The following RAPGEF5 variants were observed in gnomAD, a reference collection of about 807,000 sequenced individuals.
RAPGEF5 encodes the protein Rap guanine nucleotide exchange factor 5.
A neutral mutation model predicts 125.2 loss-of-function variants in RAPGEF5; 65 were observed. The ratio of observed to expected loss-of-function variants is 0.52; its 90% CI spans 0.43 to 0.64. The LOEUF (loss-of-function observed/expected upper bound fraction) is 0.64. RAPGEF5 is among the 30% of genes least tolerant of loss of function. The pLI is 0.00. For synonymous variants in RAPGEF5, 391 were observed against 385.9 expected (o/e 1.01, Z -0.16); for missense variants, 958 against 1,048.1 (o/e 0.91, Z 1.19).
At chr7:22,298,916 T>C (rs562588117) in intron 5 of RAPGEF5, among the ~76,000 whole-genome samples, 2 of 152,318 alleles carry the variant, frequency 1.3e-5, no homozygotes, top group Non-Finnish European at 2.9e-5. Context: ...TATTCATTTG[T>C]TAGCTTTCAA....
Position 22,355,851 on chromosome 7 carries a change from C to T in RAPGEF5, c.231+979G>A, listed in dbSNP as rs181411765. 3.0e-5 allele frequency: 20 copies of T among 667,000 alleles called. 1 individual carries two copies. In the East Asian group the frequency reaches 2.3e-3, roughly 77 times the overall value. 41.3% of individuals were successfully genotyped at this position (667,000 alleles called of 1,614,324 possible). On this transcript the variant is annotated intron_variant, in intron 1 of 25. Coordinates refer to ENST00000665637, the MANE Select transcript of RAPGEF5 (RefSeq NM_012294.5). The stretch of plus-strand genomic sequence containing the variant: ...AGAGCTAGAAGTCTCCCAGCAAGGT[C>T]TTGTTTTAAGTCAGACAAGACTGCA...
intron 7 of RAPGEF5, among the ~76,000 whole-genome samples, chr7:22,238,274 T>G (rs1786242437): frequency 6.6e-6 from 1 of 152,226 alleles, no homozygotes; most frequent in Admixed American, 6.5e-5. Context: ...TTTCTTGGAA[T>G]TTAGCAATTC....
At chr7:22,153,378 T>C (rs562930872) in intron 17 of RAPGEF5, among the ~76,000 whole-genome samples, 2 of 152,330 alleles carry the variant, frequency 1.3e-5, no homozygotes, top group South Asian at 2.1e-4. Context: ...CACTCTCTGA[T>C]TAAAAGTCAT....
intron 9 of RAPGEF5, among the ~76,000 whole-genome samples, chr7:22,209,471 A>T (rs1785462745): frequency 6.6e-6 from 1 of 152,172 alleles, no homozygotes; most frequent in Admixed American, 6.5e-5. Context: ...ACTCATACAT[A>T]TTATTAGAGA....
Position 22,119,970 on chromosome 7 carries a change from T to G in RAPGEF5, c.*2436A>C, listed in dbSNP as rs1397484607. On this transcript the variant is annotated 3_prime_UTR_variant, in exon 26 of 26. Transcript: ENST00000665637. This position sits in a 1 kb window ranked among gnomAD's most constrained non-coding sequence, Gnocchi z 4.1. The stretch of plus-strand genomic sequence containing the variant: ...TTGAGTAATATCTGGTTCTCACAAT[T>G]CGGGCTTGAATTCTTTAATTCCAGA... 1 of 152,200 alleles carries G rather than the reference T, an allele frequency of 6.6e-6. No homozygotes were observed. Among genetic ancestry groups the G allele is most frequent in the African/African-American group, 2.4e-5 (1 of 41,444 alleles). 9.4% of individuals were successfully genotyped at this position (152,200 alleles called of 1,614,324 possible).
chr7:22,339,885 C>A (rs1428040366), intron 1 of RAPGEF5, among the ~76,000 whole-genome samples: 1 of 152,184 alleles, frequency 6.6e-6, no homozygotes, highest in Admixed American at 6.5e-5. Context: ...TTATGCTAAT[C>A]AGCAATCAAC....
At chr7:22,289,787 T>C (rs1782887925) in intron 6 of RAPGEF5, among the ~76,000 whole-genome samples, 1 of 152,222 alleles carries the variant, frequency 6.6e-6, no homozygotes, top group Admixed American at 6.5e-5. Context: ...GAAGTGATTG[T>C]ATCACGGGGG....
rs559887486 is a variant in RAPGEF5, at chr7:22,219,973, G to A, written c.889C>T (p.Leu297Phe). Reference protein sequence around the residue: ...PDSQAGVMCKLQERDEIGRIE... With the variant: ...PDSQAGVMCKFQERDEIGRIE... ...CGTCCGATTTCATCTCTTTCCTGGA[G>A]CTTGCACATCACCCCTGCCTTAAGA... The change falls in exon 9 of 26, where the codon CTC (leucine) becomes TTC (phenylalanine). Residue 297 changes from leucine (L) to phenylalanine (F), a missense_variant. Transcript: ENST00000665637. 2.4e-5 allele frequency: 39 copies of A among 1,613,466 alleles called. No homozygotes were observed. In the East Asian group the frequency reaches 6.2e-4, roughly 26 times the overall value.
chr7:22,122,776 G>A (rs182559685), intron 25 of RAPGEF5, among the ~76,000 whole-genome samples: 60 of 152,238 alleles, frequency 3.9e-4, no homozygotes, highest in African/African-American at 1.3e-3. Context: ...TAGAAATTAC[G>A]TTATTATCTC....
intron 7 of RAPGEF5, among the ~76,000 whole-genome samples, chr7:22,250,541 T>C (rs11980801): frequency 0.17 from 25,764 of 152,176 alleles, 2,255 homozygotes; most frequent in Admixed American, 0.21. Context: ...CATGTCTGTT[T>C]ATCCAATTAG....
chr7:22,180,056 C>T (rs1290501944), intron 11 of RAPGEF5, among the ~76,000 whole-genome samples: 1 of 152,142 alleles, frequency 6.6e-6, no homozygotes, highest in Admixed American at 6.6e-5. Flanking sequence ...TTACTTCTTG[C>T]GTGAGACACA....
chr7:22,161,422 A>G (rs149834418), intron 13 of RAPGEF5, among the ~76,000 whole-genome samples: 1 of 152,086 alleles, frequency 6.6e-6, no homozygotes, highest in Non-Finnish European at 1.5e-5. Flanking sequence ...CTTTAGTCCC[A>G]GATAGTCAGG....
chr7:22,311,024 C>A (rs930056505), intron 3 of RAPGEF5, among the ~76,000 whole-genome samples: 1 of 152,080 alleles, frequency 6.6e-6, no homozygotes, highest in Non-Finnish European at 1.5e-5. Context: ...GAGAAAAGAT[C>A]ATGAAAAAAA....
intron 3 of RAPGEF5, among the ~76,000 whole-genome samples, chr7:22,314,408 T>A (rs1352053460): frequency 6.6e-6 from 1 of 152,184 alleles, no homozygotes; most frequent in Non-Finnish European, 1.5e-5. Flanking sequence ...AGGGGGTCGG[T>A]GGTCTCACTC....
intron 14 of RAPGEF5, among the ~76,000 whole-genome samples, chr7:22,159,248 A>G (rs1045285605): frequency 1.3e-5 from 2 of 152,192 alleles, no homozygotes; most frequent in African/African-American, 4.8e-5. Context: ...AAAGAAGACC[A>G]CCAGCATTTA....
intron 1 of RAPGEF5, among the ~76,000 whole-genome samples, chr7:22,352,484 T>C (rs1245221344): frequency 6.6e-6 from 1 of 152,106 alleles, no homozygotes; most frequent in Admixed American, 6.6e-5. Flanking sequence ...AGCAGCAGAC[T>C]ATGGACAAGA....
chr7:22,222,327 T>C (rs1785812212), intron 8 of RAPGEF5, among the ~76,000 whole-genome samples: 1 of 151,634 alleles, frequency 6.6e-6, no homozygotes, highest in Non-Finnish European at 1.5e-5. Flanking sequence ...TGGTAATATA[T>C]GACAGAAAAA....
At chr7:22,232,843 A>G (rs1489486123) in intron 7 of RAPGEF5, among the ~76,000 whole-genome samples, 1 of 152,170 alleles carries the variant, frequency 6.6e-6, no homozygotes, top group African/African-American at 2.4e-5. Flanking sequence ...CTTATATAAT[A>G]AGCTACTTCT....
intron 7 of RAPGEF5, among the ~76,000 whole-genome samples, chr7:22,246,346 A>T (rs185907746): frequency 2.8e-4 from 43 of 152,352 alleles, no homozygotes; most frequent in Middle Eastern, 3.4e-3. Context: ...GGCTACAGTT[A>T]CCAAAACAGC....
Sources: gnomAD v4.1 joint callset for allele counts (sites outside exome capture counted in the v4.1 genomes callset) on GRCh38, gnomAD v4.1.1 for gene constraint, Gnocchi (gnomAD v3.1) non-coding constraint, MANE v1.5 for transcripts, NCBI Gene and HGNC (gene_info 2026-07-23, HGNC 2026-07-21) for gene names.